Variants in FRMD4A observed in about 807,000 individuals in gnomAD.
The protein encoded by FRMD4A is FERM domain-containing protein 4A.
A neutral mutation model predicts 129.1 loss-of-function variants in FRMD4A; 29 were observed. That is an observed-to-expected ratio of 0.22 (90% CI 0.17 to 0.31). FRMD4A has a LOEUF of 0.31. Among genes scored for constraint, FRMD4A ranks in the 10% least tolerant of loss-of-function variants. The pLI, the probability that FRMD4A is intolerant of heterozygous loss-of-function variation, is 1.00. For synonymous variants in FRMD4A, 634 were observed against 571.6 expected (o/e 1.11, Z -1.56); for missense variants, 1,272 against 1,375.8 (o/e 0.92, Z 1.19).
At position 13,647,000 on chromosome 10, in the gene FRMD4A, A is replaced by AG; in HGVS notation, c.*37dup. 1 of 982,526 alleles carries AG rather than the reference A, an allele frequency of 1.0e-6. No individual in the cohort carries two copies. The highest frequency in any genetic ancestry group is 1.2e-6 in the Non-Finnish European group (1 of 826,896). 60.9% of individuals were successfully genotyped at this position (982,526 alleles called of 1,614,324 possible). A position where few individuals can be genotyped will look rare whatever the true frequency, so the allele number is the denominator to read the frequency against. On this transcript the variant is annotated 3_prime_UTR_variant, in exon 25 of 25. Coordinates refer to ENST00000357447, the MANE Select transcript of FRMD4A (RefSeq NM_018027.5). ...CTGGACATCAGCTAGTTCTGGATAG[A>AG]GGGAGGAATCCAGGAAACAGCTATC...
At chr10:13,798,858 C>CATGCCTGATA (rs2093185389) in intron 4 of FRMD4A, among the ~76,000 whole-genome samples, 1 of 152,238 alleles carries the variant, frequency 6.6e-6, no homozygotes, top group African/African-American at 2.4e-5. Flanking sequence ...CATCTCTGCC[C>CATGCCTGATA]ATGCCTGATA....
In FRMD4A at chr10:14,050,887, T is replaced by C. The variant is rs146535091; in HGVS notation, c.46-191975A>G. ...TGGCTGCTTCTTTATAATAAACTGG[T>C]AAACATAAGCAAAGCCTTTCCCTGA... On this transcript the variant is annotated intron_variant, in intron 2 of 24. Transcript: ENST00000357447. 2.6e-3 allele frequency among the ~76,000 whole-genome samples: 403 copies of C among 152,230 alleles called. 3 individuals are homozygous for C. The highest frequency in any genetic ancestry group is 9.4e-3 in the African/African-American group (390 of 41,554).
intron 2 of FRMD4A, among the ~76,000 whole-genome samples, chr10:14,180,439 G>T (rs746746679): frequency 3.3e-5 from 5 of 152,140 alleles, no homozygotes; most frequent in African/African-American, 4.8e-5. Context: ...TTTGAAATGC[G>T]CATGGGAAAG....
chr10:14,329,339 C>T (rs1589322500), intron 2 of FRMD4A, among the ~76,000 whole-genome samples: 1 of 152,222 alleles, frequency 6.6e-6, no homozygotes, highest in African/African-American at 2.4e-5. Flanking sequence ...ACTGCTGAAC[C>T]TAGTGTCAAG....
intron 2 of FRMD4A, among the ~76,000 whole-genome samples, chr10:14,214,601 T>C (rs537205415): frequency 6.6e-6 from 1 of 152,364 alleles, no homozygotes; most frequent in East Asian, 1.9e-4. Context: ...ATTTCTACCA[T>C]ATTTTTCTAA....
chr10:13,740,383 A>G, intron 10 of FRMD4A, 129 bp downstream of exon 10: 1 of 887,898 alleles, frequency 1.1e-6, no homozygotes. Context: ...TATTTACTTG[A>G]AAATTAAATG....
intron 6 of FRMD4A, among the ~76,000 whole-genome samples, chr10:13,773,503 A>T (rs2092516154): frequency 6.6e-6 from 1 of 152,242 alleles, no homozygotes; most frequent in Non-Finnish European, 1.5e-5. Context: ...GTCTTTCGAC[A>T]TGAGCACCAA....
intron 11 of FRMD4A, among the ~76,000 whole-genome samples, chr10:13,738,224 G>T (rs74627542): frequency 2.0e-5 from 3 of 151,864 alleles, no homozygotes; most frequent in Non-Finnish European, 2.9e-5. Flanking sequence ...CCCTGCTTGC[G>T]CTCTCTCTCT....
At chr10:13,722,317 G>A (rs140501099) in intron 12 of FRMD4A, among the ~76,000 whole-genome samples, 1,990 of 147,584 alleles carry the variant, frequency 0.013, 18 homozygotes, top group Non-Finnish European at 0.019. Flanking sequence ...CTGCAGCCTC[G>A]AATTCCTGGG....
intron 2 of FRMD4A, among the ~76,000 whole-genome samples, chr10:13,933,554 AG>A (rs1390253460): frequency 1.3e-5 from 2 of 152,236 alleles, no homozygotes; most frequent in African/African-American, 4.8e-5. Flanking sequence ...GAAAGAATGA[AG>A]GGTTTCAAAA....
intron 2 of FRMD4A, among the ~76,000 whole-genome samples, chr10:13,985,980 G>A (rs1004423585): frequency 2.6e-5 from 4 of 152,192 alleles, no homozygotes; most frequent in African/African-American, 7.2e-5. Context: ...CCACTGTCCC[G>A]ACACTGCAGC....
At chr10:13,670,012 GGCCTAAGTT>G (rs2083388322) in intron 17 of FRMD4A, among the ~76,000 whole-genome samples, 1 of 152,112 alleles carries the variant, frequency 6.6e-6, no homozygotes, top group Admixed American at 6.5e-5. Flanking sequence ...CTGATGCCGT[GGCCTAAGTT>G]TTCCTTCTCT....
chr10:13,685,696 C>G (rs1348963655), intron 15 of FRMD4A: 4 of 948,302 alleles, frequency 4.2e-6, no homozygotes, highest in Non-Finnish European at 2.5e-6. Flanking sequence ...CAGTCCTACC[C>G]AGTCAGGAGG....
chr10:13,867,244 T>G (rs189163486), intron 2 of FRMD4A, among the ~76,000 whole-genome samples: 127 of 152,168 alleles, frequency 8.3e-4, no homozygotes, highest in Admixed American at 8.3e-3. Flanking sequence ...TACACAATCA[T>G]ATTTTTTGTT....
intron 2 of FRMD4A, among the ~76,000 whole-genome samples, chr10:13,953,350 A>G (rs1005241985): frequency 6.6e-6 from 1 of 152,210 alleles, no homozygotes; most frequent in Non-Finnish European, 1.5e-5. Context: ...TGATAACTAC[A>G]TACCATAGTC....
At chr10:14,202,900 A>G (rs1842681456) in intron 2 of FRMD4A, among the ~76,000 whole-genome samples, 1 of 152,102 alleles carries the variant, frequency 6.6e-6, no homozygotes, top group African/African-American at 2.4e-5. Flanking sequence ...AGCCTCCACA[A>G]TAGCTGGGAC....
chr10:14,035,441 AAG>A (rs1555020561), intron 2 of FRMD4A, among the ~76,000 whole-genome samples: 4 of 151,190 alleles, frequency 2.6e-5, no homozygotes, highest in African/African-American at 4.8e-5. Context: ...AAAAAAAAAA[AAG>A]AAGAAAAAAA....
At chr10:14,180,940 A>G (rs1040600028) in intron 2 of FRMD4A, among the ~76,000 whole-genome samples, 3 of 152,234 alleles carry the variant, frequency 2.0e-5, no homozygotes, top group African/African-American at 7.2e-5. Context: ...AAATTGTGGC[A>G]CACTGAGGAA....
intron 2 of FRMD4A, among the ~76,000 whole-genome samples, chr10:13,994,940 G>T (rs763374227): frequency 1.3e-5 from 2 of 152,136 alleles, no homozygotes; most frequent in African/African-American, 4.8e-5. Context: ...ATGCCTCTAC[G>T]AGGTTGTATT....
Sources: allele counts gnomAD v4.1 joint callset (sites outside exome capture counted in the v4.1 genomes callset), GRCh38; gene constraint gnomAD v4.1.1; transcripts MANE v1.5; gene names NCBI Gene and HGNC (gene_info 2026-07-23, HGNC 2026-07-21).